The following KALRN variants were observed in gnomAD, a reference collection of about 807,000 sequenced individuals.
KALRN encodes kalirin.
A neutral mutation model predicts 353.7 loss-of-function variants in KALRN; 70 were observed. The ratio of observed to expected loss-of-function variants is 0.20; its 90% CI spans 0.16 to 0.24. The LOEUF (loss-of-function observed/expected upper bound fraction) is 0.24, where lower values mean the gene tolerates loss of function less well. Ranked by LOEUF, KALRN falls within the 10% of genes least tolerant of loss-of-function variation. The probability of loss-of-function intolerance (pLI) is 1.00; values close to 1 mark genes in which losing one functional copy is unlikely to be tolerated. For synonymous variants in KALRN, 1,391 were observed against 1,434.8 expected (o/e 0.97, Z 0.69); for missense variants, 2,791 against 3,756.7 (o/e 0.74, Z 6.72).
At position 124,347,037 on chromosome 3, in the gene KALRN, C is replaced by G. The variant is rs202025842; in HGVS notation, c.1648-106C>G. On this transcript the variant is annotated intron_variant, in intron 9 of 59. Coordinates refer to ENST00000682506, the MANE Select transcript of KALRN (RefSeq NM_001388419.1). ...TTCCACCTGAACTGCTGCTTTACAACTGGGATGGGATATAGGGGTGGTTAG... is the reference window on the plus strand; with the variant it reads ...TTCCACCTGAACTGCTGCTTTACAAGTGGGATGGGATATAGGGGTGGTTAG... The G allele has an allele frequency of 9.2e-6, 14 of 1,526,108 alleles. No individual in the cohort carries two copies. In the East Asian group the frequency reaches 2.5e-4, roughly 27 times the overall value. 94.5% of individuals were successfully genotyped at this position (1,526,108 alleles called of 1,614,324 possible). A position where few individuals can be genotyped will look rare whatever the true frequency, so the allele number is the denominator to read the frequency against.
At chr3:124,078,958 ATTCTC>A (rs1274344791) in intron 1 of KALRN, among the ~76,000 whole-genome samples, 4 of 152,280 alleles carry the variant, frequency 2.6e-5, no homozygotes, top group African/African-American at 9.6e-5. Flanking sequence ...GTGGAAGATT[ATTCTC>A]TTCTATCTGG....
chr3:124,478,862 G>T (rs1200778811), intron 27 of KALRN, among the ~76,000 whole-genome samples: 1 of 152,030 alleles, frequency 6.6e-6, no homozygotes, highest in Non-Finnish European at 1.5e-5. Context: ...TGCTCACACC[G>T]CTCTCTCTGC....
At chr3:124,386,284 A>G (rs900610526) in intron 11 of KALRN, among the ~76,000 whole-genome samples, 8 of 152,174 alleles carry the variant, frequency 5.3e-5, no homozygotes, top group African/African-American at 1.9e-4. Context: ...GGCTCACCCA[A>G]TTCTTAATGA....
At chr3:124,715,243 CT>C (rs1308001118) in intron 58 of KALRN, among the ~76,000 whole-genome samples, 1 of 152,162 alleles carries the variant, frequency 6.6e-6, no homozygotes, top group Admixed American at 6.5e-5. Context: ...GAGCTAACCC[CT>C]GTGCTGGATC....
intron 46 of KALRN, 100 bp from the exon 47 acceptor site, chr3:124,666,912 G>T: frequency 7.8e-7 from 1 of 1,275,424 alleles, no homozygotes; most frequent in East Asian, 2.5e-5. Context: ...GGCAAAATTT[G>T]GAAGCTTGTC....
chr3:124,534,915 T>C (rs1228278096), intron 33 of KALRN, among the ~76,000 whole-genome samples: 1 of 152,192 alleles, frequency 6.6e-6, no homozygotes, highest in African/African-American at 2.4e-5. Context: ...CCCAGCTTAC[T>C]GCTTTGAGTT....
chr3:124,191,732 G>C (rs2074942384), intron 1 of KALRN, among the ~76,000 whole-genome samples: 1 of 152,152 alleles, frequency 6.6e-6, no homozygotes, highest in South Asian at 2.1e-4. Context: ...TCTCAGGGTA[G>C]CCAGACTTCC....
At chr3:124,076,449 G>A (rs1041711234) in intron 1 of KALRN, among the ~76,000 whole-genome samples, 1 of 152,198 alleles carries the variant, frequency 6.6e-6, no homozygotes, top group Non-Finnish European at 1.5e-5. Context: ...CTTGTGCCTT[G>A]TTGAGGGTGT....
intron 19 of KALRN, 49 bp from the exon 20 acceptor site, chr3:124,446,112 G>T: frequency 7.5e-7 from 1 of 1,330,528 alleles, no homozygotes; most frequent in Non-Finnish European, 1.1e-6. Context: ...GGGTTGGTTG[G>T]ATTTGCTCAG....
At chr3:124,424,183 C>T (rs1334999805) in intron 15 of KALRN, among the ~76,000 whole-genome samples, 2 of 152,176 alleles carry the variant, frequency 1.3e-5, no homozygotes, top group Non-Finnish European at 1.5e-5. Context: ...GCAGGTACCA[C>T]ATCACTCCTG....
intron 1 of KALRN, among the ~76,000 whole-genome samples, chr3:124,113,832 T>C (rs1364969015): frequency 6.6e-6 from 1 of 152,206 alleles, no homozygotes; most frequent in Non-Finnish European, 1.5e-5. Context: ...ATACATGAAC[T>C]GGCAGGCATT....
intron 10 of KALRN, among the ~76,000 whole-genome samples, chr3:124,350,673 T>C (rs963950377): frequency 1.3e-5 from 2 of 152,206 alleles, no homozygotes; most frequent in African/African-American, 4.8e-5. Context: ...CCATTACAAC[T>C]TTCCTCTGGC....
At chr3:124,252,237 G>T (rs937500993) in intron 3 of KALRN, among the ~76,000 whole-genome samples, 2 of 152,192 alleles carry the variant, frequency 1.3e-5, no homozygotes, top group African/African-American at 2.4e-5. Context: ...AGACCAATTA[G>T]TCAGAATCTC....
intron 3 of KALRN, among the ~76,000 whole-genome samples, chr3:124,262,202 C>T (rs2072977114): frequency 1.3e-5 from 2 of 152,018 alleles, no homozygotes; most frequent in Non-Finnish European, 2.9e-5. Flanking sequence ...ATAAGATGGA[C>T]TATCACTAAA....
At chr3:124,346,527 T>G (rs566327651) in intron 9 of KALRN, among the ~76,000 whole-genome samples, 12 of 152,238 alleles carry the variant, frequency 7.9e-5, no homozygotes, top group East Asian at 7.7e-4. Context: ...TATTTGTTTG[T>G]TTGGTTGGTT....
intron 5 of KALRN, among the ~76,000 whole-genome samples, chr3:124,286,140 C>CTTTCTTTCTTTCTTTCTTTCTTTCT (rs1560463729): frequency 7.4e-5 from 2 of 26,856 alleles, no homozygotes; most frequent in East Asian, 2.2e-3. Flanking sequence ...TCTTTCTTTC[C>CTTTCTTTCTTTCTTTCTTTCTTTCT]TTTCTTTCTT....
chr3:124,097,635 T>A (rs2061542376), intron 1 of KALRN, among the ~76,000 whole-genome samples: 1 of 152,170 alleles, frequency 6.6e-6, no homozygotes, highest in African/African-American at 2.4e-5. Flanking sequence ...TTAGAACACA[T>A]CATGGAGCTG....
Position 124,696,223 on chromosome 3 carries a change from C to T in KALRN, c.7667C>T (p.Thr2556Ile). ...TGCATAGCAACAAATGACCACGGGA[C>T]CACATCAACGTCTGCAACAGTCAAA... ...YTCIATNDHG[T>I]TSTSATVKVQ... Residue 2556 changes from threonine (T) to isoleucine (I), a missense_variant, in exon 54 of 60, where the codon ACC becomes ATC. Physicochemically the swap from Thr to Ile is moderately conservative, Grantham distance 89 (BLOSUM62 -1). This residue lies in a region of KALRN where 1,065 missense variants were observed against 1,156.4 expected (regional missense o/e 0.92). Coordinates refer to ENST00000682506, the MANE Select transcript of KALRN (RefSeq NM_001388419.1). 1 of 1,613,970 alleles carries T rather than the reference C, an allele frequency of 6.2e-7. No homozygotes were observed. The highest frequency in any genetic ancestry group is 1.7e-4 in the Middle Eastern group (1 of 6,058).
intron 6 of KALRN, among the ~76,000 whole-genome samples, chr3:124,314,051 G>A (rs1212622306): frequency 3.3e-5 from 5 of 152,078 alleles, no homozygotes; most frequent in East Asian, 1.9e-4. Context: ...ACATGCACAC[G>A]TATGTTTATT....
Sources: allele counts gnomAD v4.1 joint callset (sites outside exome capture counted in the v4.1 genomes callset), GRCh38; gene constraint gnomAD v4.1.1; regional missense constraint gnomAD v4.1.1; transcripts MANE v1.5; gene names NCBI Gene and HGNC (gene_info 2026-07-23, HGNC 2026-07-21).